Variants in SLC43A1 observed in about 807,000 individuals in gnomAD.
The protein encoded by SLC43A1 is solute carrier family 43 member 1.
Under a neutral mutation model 59.5 loss-of-function variants are expected in SLC43A1, and 31 were observed. The observed-to-expected ratio is 0.52, with a 90% CI of 0.39 to 0.70. The LOEUF is 0.70. Ranked by LOEUF, SLC43A1 falls within the 30% of genes least tolerant of loss-of-function variation. The pLI, the probability that SLC43A1 is intolerant of heterozygous loss-of-function variation, is 0.00. For missense variants in SLC43A1, 598 were observed against 717.8 expected (o/e 0.83, Z 1.91); for synonymous variants, 259 against 290.9 (o/e 0.89, Z 1.12).
rs1052740328 is a variant in SLC43A1, at chr11:57,495,414, T to C, written c.692+617A>G. Among the ~76,000 whole-genome samples the C allele has an allele frequency of 5.9e-5, 9 of 151,776 alleles. No homozygotes were observed. The South Asian group carries it at 8.3e-4, about 14-fold the overall frequency. The stretch of plus-strand genomic sequence containing the variant: ...CAGAGGTTGCAGTTCACTGAAATCA[T>C]GCCACTGCACTCCAGCCTGGGCGAC... On this transcript the variant is annotated intron_variant, in intron 7 of 14. Transcript: ENST00000278426.
At chr11:57,489,888 C>T (rs562199608) in intron 11 of SLC43A1, among the ~76,000 whole-genome samples, 15 of 152,292 alleles carry the variant, frequency 9.8e-5, no homozygotes, top group Admixed American at 3.3e-4. Flanking sequence ...TTCCTCTCTC[C>T]GGCACAATCA....
chr11:57,508,805 CA>C (rs112135666), intron 2 of SLC43A1, among the ~76,000 whole-genome samples: 21 of 149,812 alleles, frequency 1.4e-4, no homozygotes, highest in African/African-American at 4.7e-4. Context: ...TGAAACAAAA[CA>C]AAAAAAAACA....
chr11:57,501,168 C>G lies in SLC43A1; in HGVS notation c.316G>C (p.Val106Leu), dbSNP rs747650715. 8.1e-6 allele frequency: 13 copies of G among 1,612,298 alleles called. No homozygotes were observed. The highest frequency in any genetic ancestry group is 1.0e-5 in the Non-Finnish European group (12 of 1,179,942). Residue 106 changes from valine to leucine, a missense_variant, in exon 3 of 15, where the codon GTG (valine) becomes CTG (leucine). Val to Leu is a conservative substitution (Grantham distance 32). Transcript: ENST00000278426. ...ILMDRFGPRP[V>L]RLVGSACFTA... ...CCACCTCACCTGCCAACCAGCCGCA[C>G]GGGTCGGGGGCCAAAGCGGTCCATG... is the stretch of plus-strand genomic sequence containing the variant.
chr11:57,498,901 C>A (rs1331663135), intron 5 of SLC43A1, among the ~76,000 whole-genome samples: 1 of 152,188 alleles, frequency 6.6e-6, no homozygotes, highest in Admixed American at 6.5e-5. Flanking sequence ...CCTCCTCTGG[C>A]CCCACCATCC....
intron 2 of SLC43A1, among the ~76,000 whole-genome samples, chr11:57,509,099 G>A (rs1944462667): frequency 6.6e-6 from 1 of 151,488 alleles, no homozygotes; most frequent in Non-Finnish European, 1.5e-5. Flanking sequence ...CTGGGTGACG[G>A]AGACTCTGTC....
rs1944663364 is a variant in SLC43A1, at chr11:57,515,377, C to T, written c.-14+67G>A. ...TGGCAGTGTCGGCGGGAGCCGGCCT[C>T]GGTGTCTCTCAGCCGACGCATAGCC... On this transcript the variant is annotated intron_variant, in intron 1 of 14. Coordinates refer to ENST00000278426, the MANE Select transcript of SLC43A1 (RefSeq NM_003627.6). The surrounding 1 kb of genome is among the most constrained non-coding windows in gnomAD (Gnocchi z 5.3). 1 of 152,270 alleles carries T rather than the reference C, an allele frequency of 6.6e-6. No homozygotes were observed. The highest frequency in any genetic ancestry group is 6.5e-5 in the Admixed American group (1 of 15,288). The allele number at this position is 152,270 out of a possible 1,614,324, so 9.4% of individuals were successfully genotyped here.
At chr11:57,490,447 C>A (rs533569619) in intron 11 of SLC43A1, among the ~76,000 whole-genome samples, 3 of 152,214 alleles carry the variant, frequency 2.0e-5, no homozygotes, top group Middle Eastern at 3.4e-3. Flanking sequence ...TATAATAGAA[C>A]GTAACAGAAG....
In SLC43A1 at chr11:57,489,403, C is replaced by T. The variant is rs751846441; in HGVS notation, c.1194-11G>A. The T allele has an allele frequency of 1.3e-5, 21 of 1,613,584 alleles. No homozygotes were observed. The highest frequency in any genetic ancestry group is 7.7e-5 in the South Asian group (7 of 91,048). Reference sequence around the variant, plus strand: ...GTAGCAACCCCGTCCCTGAGGAGTACGGGAAGTCACTGGCTGCTGCCTCTA... The same window carrying T: ...GTAGCAACCCCGTCCCTGAGGAGTATGGGAAGTCACTGGCTGCTGCCTCTA... On this transcript the variant is annotated splice_polypyrimidine_tract_variant and intron_variant, in intron 11 of 14. Transcript: ENST00000278426.
chr11:57,514,193 G>A lies in SLC43A1; in HGVS notation c.-13-69C>T. The A allele has an allele frequency of 6.8e-7, 1 of 1,470,208 alleles. No homozygotes were observed. Among genetic ancestry groups the A allele is most frequent in the Non-Finnish European group, 8.9e-7 (1 of 1,118,400 alleles). 91.1% of individuals were successfully genotyped at this position (1,470,208 alleles called of 1,614,324 possible). A position where few individuals can be genotyped will look rare whatever the true frequency, so the allele number is the denominator to read the frequency against. ...CCAGGGAAGGGTCCTGCATCATGGT[G>A]GCACCCGAGACCTCTCGGGCCAGCC... On this transcript the variant is annotated intron_variant, in intron 1 of 14. Transcript: ENST00000278426. This position sits in a 1 kb window ranked among gnomAD's most constrained non-coding sequence, Gnocchi z 5.5.
intron 7 of SLC43A1, among the ~76,000 whole-genome samples, chr11:57,495,038 G>T (rs1212184262): frequency 6.6e-6 from 1 of 151,720 alleles, no homozygotes; most frequent in Non-Finnish European, 1.5e-5. Flanking sequence ...AGTAGAGACG[G>T]TGTTTCTCCA....
chr11:57,490,911 CT>C (rs936166971), intron 11 of SLC43A1, among the ~76,000 whole-genome samples: 2 of 152,244 alleles, frequency 1.3e-5, no homozygotes, highest in African/African-American at 2.4e-5. Context: ...AATGACCTAA[CT>C]GTGCAACCCT....
intron 2 of SLC43A1, among the ~76,000 whole-genome samples, chr11:57,504,441 G>C (rs986292711): frequency 1.3e-5 from 2 of 152,170 alleles, no homozygotes; most frequent in African/African-American, 4.8e-5. Context: ...CTAAGTCTTT[G>C]ATAATCAAAT....
intron 7 of SLC43A1, among the ~76,000 whole-genome samples, chr11:57,495,432 T>G (rs1944049373): frequency 6.6e-6 from 1 of 151,994 alleles, no homozygotes; most frequent in Non-Finnish European, 1.5e-5. Context: ...CACTCCAGCC[T>G]GGGCGACAGA....
At chr11:57,495,564 C>T (rs191381542) in intron 7 of SLC43A1, among the ~76,000 whole-genome samples, 4 of 152,180 alleles carry the variant, frequency 2.6e-5, no homozygotes, top group East Asian at 3.9e-4. Context: ...CAGTGGCTCA[C>T]GCCTGTAATC....
intron 5 of SLC43A1, 81 bp from the exon 6 acceptor site, chr11:57,497,926 C>A (rs1318043114): frequency 1.6e-5 from 17 of 1,042,352 alleles, no homozygotes; most frequent in Non-Finnish European, 2.4e-5. Flanking sequence ...CATACAATAG[C>A]CCCAGGAGAC....
chr11:57,500,751 G>C (rs1183982974), intron 5 of SLC43A1, 28 bp downstream of exon 5: 1 of 1,610,252 alleles, frequency 6.2e-7, no homozygotes, highest in Admixed American at 1.7e-5. Context: ...GGGGAACTCT[G>C]CTGCCAGGCC....
Position 57,485,207 on chromosome 11 carries a change from T to G in SLC43A1, c.1569A>C (p.Gly523=). 1 of 1,613,706 alleles carries G rather than the reference T, an allele frequency of 6.2e-7. No homozygotes were observed. The highest frequency in any genetic ancestry group is 2.2e-5 in the East Asian group (1 of 44,860). ...AGAAGAGGTAGGAAGGCAACAGGAA[T>G]CCCAGGAGTGAGAATAGCAGGAGGC... ...NLGLLLFSLL[G]FLLPSYLFYY... Residue 523 remains glycine, a synonymous_variant, in exon 15 of 15, where the codon GGA becomes GGC. Transcript: ENST00000278426.
intron 2 of SLC43A1, among the ~76,000 whole-genome samples, chr11:57,513,612 G>A (rs147815752): frequency 1.3e-5 from 2 of 152,200 alleles, no homozygotes; most frequent in Non-Finnish European, 2.9e-5. Context: ...ACTTTGTGCA[G>A]CTCTCCCTTG....
At chr11:57,501,067 A>AG in intron 3 of SLC43A1, 24 bp from the exon 4 acceptor site, 1 of 1,607,100 alleles carries the variant, frequency 6.2e-7, no homozygotes, top group Non-Finnish European at 8.5e-7. Context: ...GGGAAGGGCG[A>AG]GGGGTTGGCC....
Sources: allele counts gnomAD v4.1 joint callset (sites outside exome capture counted in the v4.1 genomes callset), GRCh38; gene constraint gnomAD v4.1.1; non-coding constraint Gnocchi (gnomAD v3.1); transcripts MANE v1.5; gene names NCBI Gene and HGNC (gene_info 2026-07-23, HGNC 2026-07-21).